The following POLGARF variants were observed in gnomAD, a reference collection of about 807,000 sequenced individuals.
POLGARF encodes POLG alternative reading frame.
the POLGARF span, among the ~76,000 whole-genome samples, chr15:89,331,814 G>C: frequency 6.7e-6 from 1 of 149,474 alleles, no homozygotes; most frequent in Admixed American, 6.7e-5. Flanking sequence ...GAAGGTCCCA[G>C]CATGAGCCCA....
the POLGARF span, chr15:89,333,488 C>T: frequency 6.2e-7 from 1 of 1,612,646 alleles, no homozygotes; most frequent in South Asian, 1.1e-5. Flanking sequence ...CCCCTCCTTG[C>T]CCGAAGATTT....
the POLGARF span, among the ~76,000 whole-genome samples, chr15:89,330,954 T>C: frequency 2.6e-5 from 4 of 152,108 alleles, no homozygotes; most frequent in African/African-American, 9.7e-5. Context: ...GGCCCGACAC[T>C]GATTCAGGAA....
the POLGARF span, chr15:89,333,075 C>G: frequency 6.6e-7 from 1 of 1,508,718 alleles, no homozygotes; most frequent in Non-Finnish European, 8.9e-7. Context: ...TGCTTATGTC[C>G]CCAACCCTGC....
the POLGARF span, chr15:89,333,149 G>A: frequency 6.5e-7 from 1 of 1,538,696 alleles, no homozygotes; most frequent in Non-Finnish European, 8.8e-7. Flanking sequence ...CCTCTGCCAA[G>A]CAGACCTCCA....
At chr15:89,333,624 T>TGCTGCCGCCGCC in the POLGARF span, 1 of 1,590,332 alleles carries the variant, frequency 6.3e-7, no homozygotes, top group Non-Finnish European at 8.5e-7. Context: ...CTGCTGCTGC[T>TGCTGCCGCCGCC]GCTGCCGCCG....
chr15:89,332,842 A>T, the POLGARF span, among the ~76,000 whole-genome samples: 19 of 152,316 alleles, frequency 1.2e-4, no homozygotes, highest in Admixed American at 9.8e-4. Context: ...CGAAGGTCTC[A>T]TGTACAGCGC....
At chr15:89,331,748 C>A in the POLGARF span, among the ~76,000 whole-genome samples, 3 of 152,100 alleles carry the variant, frequency 2.0e-5, no homozygotes, top group Non-Finnish European at 4.4e-5. Flanking sequence ...CAAAGTGGAC[C>A]GCTATTAGGG....
At chr15:89,330,921 G>C in the POLGARF span, among the ~76,000 whole-genome samples, 3 of 152,244 alleles carry the variant, frequency 2.0e-5, no homozygotes, top group East Asian at 5.8e-4. Context: ...GGGAGGGATA[G>C]GGGATGAGTG....
the POLGARF span, chr15:89,333,702 G>A: frequency 6.5e-7 from 1 of 1,539,632 alleles, no homozygotes; most frequent in Non-Finnish European, 8.7e-7. Context: ...AGCTGGAACC[G>A]GCCCTGGCCC....
chr15:89,332,855 T>C, the POLGARF span, among the ~76,000 whole-genome samples: 5 of 152,224 alleles, frequency 3.3e-5, no homozygotes, highest in African/African-American at 9.6e-5. Flanking sequence ...TACAGCGCTC[T>C]ACTGTGATTC....
the POLGARF span, chr15:89,333,160 C>T: frequency 1.3e-6 from 2 of 1,548,102 alleles, no homozygotes; most frequent in East Asian, 2.3e-5. Context: ...CAGACCTCCA[C>T]GTCGAACACC....
At chr15:89,333,175 C>A in the POLGARF span, 2 of 1,564,676 alleles carry the variant, frequency 1.3e-6, no homozygotes, top group Non-Finnish European at 1.7e-6. Context: ...AACACCAGGG[C>A]CCGCTCCTCG....
the POLGARF span, chr15:89,333,588 G>GGCTGCTGTTGCTGCTGCT: frequency 1.2e-6 from 2 of 1,604,890 alleles, no homozygotes; most frequent in African/African-American, 2.7e-5. Flanking sequence ...CGGCTGCTGA[G>GGCTGCTGTTGCTGCTGCT]GCTGCTGTTG....
At chr15:89,332,647 C>G in the POLGARF span, among the ~76,000 whole-genome samples, 1 of 151,680 alleles carries the variant, frequency 6.6e-6, no homozygotes, top group African/African-American at 2.4e-5. Context: ...ATGGGAAAGG[C>G]TGGGGATGCT....
At chr15:89,333,378 C>T in the POLGARF span, 3 of 1,580,272 alleles carry the variant, frequency 1.9e-6, no homozygotes, top group African/African-American at 1.3e-5. Context: ...GGGCGGCAGG[C>T]GCAGCTCCAC....
the POLGARF span, among the ~76,000 whole-genome samples, chr15:89,331,355 G>A: frequency 6.6e-5 from 10 of 150,736 alleles, no homozygotes; most frequent in African/African-American, 2.4e-5. Context: ...CAGACAAAAA[G>A]GCTAAAGAAT....
the POLGARF span, among the ~76,000 whole-genome samples, chr15:89,331,734 G>C: frequency 6.6e-6 from 1 of 152,290 alleles, no homozygotes; most frequent in East Asian, 1.9e-4. Flanking sequence ...GGCATGCCCA[G>C]GTTCAAAGTG....
At chr15:89,332,178 GA>G in the POLGARF span, 1 of 152,286 alleles carries the variant, frequency 6.6e-6, no homozygotes, top group East Asian at 1.9e-4. Flanking sequence ...AATCAATGCA[GA>G]ATCATCTAGT....
chr15:89,333,245 G>A, the POLGARF span: 7 of 1,574,912 alleles, frequency 4.4e-6, no homozygotes, highest in African/African-American at 2.7e-5. Flanking sequence ...CCTCCGCCCA[G>A]GCCCAAGCCG....
Sources: gnomAD v4.1 joint callset for allele counts (sites outside exome capture counted in the v4.1 genomes callset) on GRCh38, gnomAD v4.1.1 for gene constraint, MANE v1.5 for transcripts, NCBI Gene and HGNC (gene_info 2026-07-23, HGNC 2026-07-21) for gene names.